The following PLEKHG3 variants were observed in gnomAD, a reference collection of about 807,000 sequenced individuals.
PLEKHG3 encodes pleckstrin homology domain-containing family G member 3.
A neutral mutation model predicts 94.9 loss-of-function variants in PLEKHG3; 62 were observed. The observed-to-expected ratio is 0.65, with a 90% CI of 0.53 to 0.81. PLEKHG3 has a LOEUF of 0.81. PLEKHG3 is among the 30% of genes least tolerant of loss of function. PLEKHG3 has a pLI of 0.00. For missense variants in PLEKHG3, 1,461 were observed against 1,619.3 expected, an observed-to-expected ratio of 0.90 and a Z score of 1.68; for synonymous variants, 614 against 654.0, an observed-to-expected ratio of 0.94 and a Z score of 0.93.
At chr14:64,729,699 A>C (rs369119203) in intron 3 of PLEKHG3, among the ~76,000 whole-genome samples, 1 of 152,164 alleles carries the variant, frequency 6.6e-6, no homozygotes, top group African/African-American at 2.4e-5. Context: ...TAAGATGGGC[A>C]GAGGGAGCTC....
Position 64,728,323 on chromosome 14 carries a change from G to C in PLEKHG3, c.351+341G>C, listed in dbSNP as rs148004582. ...TCCCCTGCCCTGTTGTTTCCTGGCT[G>C]TGCGGAGCCTCAGGTTCCTCCTCTG... is the stretch of plus-strand genomic sequence containing the variant. On this transcript the variant is annotated intron_variant, in intron 2 of 16. Coordinates refer to ENST00000247226, the MANE Select transcript of PLEKHG3 (RefSeq NM_001308147.2). The surrounding 1 kb of genome is among the most constrained non-coding windows in gnomAD (Gnocchi z 5.9). Among the ~76,000 whole-genome samples the C allele has an allele frequency of 0.015, 2,250 of 152,334 alleles. 20 individuals carry two copies. Among genetic ancestry groups the C allele is most frequent in the Middle Eastern group, 0.051 (15 of 294 alleles).
rs2081141689 is a variant in PLEKHG3, at chr14:64,716,162, C to T, written c.-39-11431C>T. 2.5e-6 allele frequency: 1 copy of T among 405,164 alleles called. No individual in the cohort carries two copies. 25.1% of individuals were successfully genotyped at this position (405,164 alleles called of 1,614,324 possible). ...GGATGGGGACTCTTTCAACTCCGGG[C>T]CTCTAAGCCTTGCCGGACTTCCCCC... On this transcript the variant is annotated intron_variant, in intron 1 of 16. Transcript: ENST00000247226. This position sits in a 1 kb window ranked among gnomAD's most constrained non-coding sequence, Gnocchi z 5.0.
intron 13 of PLEKHG3, chr14:64,737,145 C>T: frequency 3.1e-6 from 2 of 649,080 alleles, no homozygotes; most frequent in South Asian, 3.6e-5. Flanking sequence ...CAGGCACAGA[C>T]CTGCGCTGCT....
chr14:64,742,790 A>G (rs2081733119), intron 16 of PLEKHG3, among the ~76,000 whole-genome samples, 192 bp from the exon 17 acceptor site: 2 of 151,958 alleles, frequency 1.3e-5, no homozygotes, highest in African/African-American at 4.8e-5. Flanking sequence ...ACCCCTTTCC[A>G]CTGCCTTTTC....
chr14:64,743,237 G>A lies in PLEKHG3; in HGVS notation c.3194G>A (p.Arg1065Gln), dbSNP rs778574927. The A allele has an allele frequency of 7.5e-6, 12 of 1,607,568 alleles. No homozygotes were observed. Among genetic ancestry groups the A allele is most frequent in the African/African-American group, 2.7e-5 (2 of 74,838 alleles). ...TATGCCTCCCGCGATGAGGCACGCC[G>A]AGCAGGGGGCGGCCGGCCCCGCGGC... ...SKYASRDEAR[R>Q]AGGGRPRGPP... The change falls in exon 17 of 17, where the codon CGA becomes CAA. Residue 1065 changes from arginine (R) to glutamine (Q), a missense_variant. Arg to Gln is a conservative substitution (Grantham distance 43). This residue lies in a region of PLEKHG3 where 1,201 missense variants were observed against 1,295.5 expected (regional missense o/e 0.93). Coordinates refer to ENST00000247226, the MANE Select transcript of PLEKHG3 (RefSeq NM_001308147.2). This position sits in a 1 kb window ranked among gnomAD's most constrained non-coding sequence, Gnocchi z 7.2.
At position 64,741,746 on chromosome 14, in the gene PLEKHG3, C is replaced by T. The variant is rs765050821; in HGVS notation, c.2229C>T (p.Ser743=). 2.9e-5 allele frequency: 46 copies of T among 1,613,086 alleles called. 1 individual carries two copies. In the South Asian group the frequency reaches 4.6e-4, roughly 16 times the overall value. ...GCGTCCGTCGCCGGGAGAGCCTCTCCTACATCCCCAAAGGACTGGTAAGAA... is the reference window on the plus strand; with the variant it reads ...GCGTCCGTCGCCGGGAGAGCCTCTCTTACATCCCCAAAGGACTGGTAAGAA... The part of the protein sequence containing the change: ...GFSVRRRESL[S]YIPKGLVRNS... Residue 743 remains serine, a synonymous_variant, in exon 16 of 17, where the codon TCC becomes TCT. Coordinates refer to ENST00000247226, the MANE Select transcript of PLEKHG3 (RefSeq NM_001308147.2).
In PLEKHG3 at chr14:64,748,845, C is replaced by T. The variant is rs1463582962; in HGVS notation, c.*5142C>T. The T allele has an allele frequency of 5.9e-6, 1 of 169,936 alleles. No homozygotes were observed. Among genetic ancestry groups the T allele is most frequent in the Non-Finnish European group, 1.2e-5 (1 of 80,732 alleles). 10.5% of individuals were successfully genotyped at this position (169,936 alleles called of 1,614,324 possible). A position where few individuals can be genotyped will look rare whatever the true frequency, so the allele number is the denominator to read the frequency against. On this transcript the variant is annotated 3_prime_UTR_variant, in exon 17 of 17. Coordinates refer to ENST00000247226, the MANE Select transcript of PLEKHG3 (RefSeq NM_001308147.2). ...CCAGTGTCTTCTTCCTTTCCCCTTT[C>T]CCTGGCTGCCACCAGGTGGGAGGTG...
At position 64,727,524 on chromosome 14, in the gene PLEKHG3, CAA is replaced by C; in HGVS notation, c.-39-68_-39-67del. On this transcript the variant is annotated intron_variant, in intron 1 of 16. Coordinates refer to ENST00000247226, the MANE Select transcript of PLEKHG3 (RefSeq NM_001308147.2). The surrounding 1 kb of genome is among the most constrained non-coding windows in gnomAD (Gnocchi z 6.0). ...CCACCCCACCTGCCCCCACCCCTGG[CAA>C]CCGTCCCTCTGTTCTGTTTCTGTGG... is the stretch of plus-strand genomic sequence containing the variant. The C allele has an allele frequency of 2.3e-6, 1 of 439,660 alleles. No individual in the cohort carries two copies. Among genetic ancestry groups the C allele is most frequent in the Non-Finnish European group, 4.3e-6 (1 of 231,936 alleles). The allele number at this position is 439,660 out of a possible 1,614,324, so 27.2% of individuals were successfully genotyped here.
Position 64,746,444 on chromosome 14 carries a change from T to G in PLEKHG3, c.*2741T>G, listed in dbSNP as rs1034948799. 7.9e-5 allele frequency: 12 copies of G among 152,728 alleles called. No homozygotes were observed. The highest frequency in any genetic ancestry group is 2.4e-4 in the African/African-American group (10 of 41,452). 9.5% of individuals were successfully genotyped at this position (152,728 alleles called of 1,614,324 possible). On this transcript the variant is annotated 3_prime_UTR_variant, in exon 17 of 17. Transcript: ENST00000247226. The surrounding 1 kb of genome is among the most constrained non-coding windows in gnomAD (Gnocchi z 4.9). ...GTTGCATTCCTCTGCAGCCGCCGCC[T>G]CCTCATTTCCTCCCTGAGCTTGTTT...
chr14:64,709,508 G>T (rs2081033054), intron 1 of PLEKHG3, among the ~76,000 whole-genome samples: 1 of 152,176 alleles, frequency 6.6e-6, no homozygotes, highest in Admixed American at 6.5e-5. Flanking sequence ...GTTCTCGTGG[G>T]CACAGTGGTA....
chr14:64,737,148 G>A (rs1357086772), intron 13 of PLEKHG3: 1 of 647,884 alleles, frequency 1.5e-6, no homozygotes, highest in East Asian at 2.7e-5. Flanking sequence ...GCACAGACCT[G>A]CGCTGCTCTG....
In PLEKHG3 at chr14:64,730,354, G is replaced by A; in HGVS notation, c.519+42G>A. 1 of 1,275,472 alleles carries A rather than the reference G, an allele frequency of 7.8e-7. No individual in the cohort carries two copies. Among genetic ancestry groups the A allele is most frequent in the Non-Finnish European group, 1.1e-6 (1 of 908,994 alleles). 79.0% of individuals were successfully genotyped at this position (1,275,472 alleles called of 1,614,324 possible). A position where few individuals can be genotyped will look rare whatever the true frequency, so the allele number is the denominator to read the frequency against. On this transcript the variant is annotated intron_variant, in intron 4 of 16. Transcript: ENST00000247226. This position sits in a 1 kb window ranked among gnomAD's most constrained non-coding sequence, Gnocchi z 5.4. ...CCTTGCCTCTGTCCTACCTTGCTGA[G>A]AGCTCAGAGAGACAAGAACTGCCAG...
In PLEKHG3 at chr14:64,744,771, A is replaced by ATTTTTTTTTTTTTTTTTTTTTTTTT. The variant is rs397954215; in HGVS notation, c.*1088_*1089insTTTTTTTTTTTTTTTTTTTTTTTTT. 1.6e-4 allele frequency: 19 copies of ATTTTTTTTTTTTTTTTTTTTTTTTT among 122,018 alleles called. 1 individual carries two copies. The highest frequency in any genetic ancestry group is 6.1e-4 in the African/African-American group (18 of 29,500). 7.6% of individuals were successfully genotyped at this position (122,018 alleles called of 1,614,324 possible). ...CCAGGAAACATCCTAGAAGACAAGG[A>ATTTTTTTTTTTTTTTTTTTTTTTTT]TTTTTTTTTTTTTTTTTTTTGAGAC... On this transcript the variant is annotated 3_prime_UTR_variant, in exon 17 of 17. Coordinates refer to ENST00000247226, the MANE Select transcript of PLEKHG3 (RefSeq NM_001308147.2).
Position 64,741,811 on chromosome 14 carries a change from C to G in PLEKHG3, c.2294C>G (p.Pro765Arg). 1 of 1,613,604 alleles carries G rather than the reference C, an allele frequency of 6.2e-7. No individual in the cohort carries two copies. Among genetic ancestry groups the G allele is most frequent in the Non-Finnish European group, 8.5e-7 (1 of 1,180,022 alleles). ...SRFNSLPRPD[P>R]EPVPPVGSKR... Reference sequence around the variant, plus strand: ...TTCAACAGCCTTCCCCGGCCAGACCCAGAGCCAGTACCTCCAGTGGGGAGC... The same window carrying G: ...TTCAACAGCCTTCCCCGGCCAGACCGAGAGCCAGTACCTCCAGTGGGGAGC... The change falls in exon 16 of 17, where the codon CCA becomes CGA. Residue 765 changes from proline to arginine, a missense_variant. Physicochemically the swap from Pro to Arg is moderately radical, Grantham distance 103. This residue lies in a region of PLEKHG3 where 1,201 missense variants were observed against 1,295.5 expected (regional missense o/e 0.93). Coordinates refer to ENST00000247226, the MANE Select transcript of PLEKHG3 (RefSeq NM_001308147.2).
chr14:64,707,459 T>C (rs2080989821), intron 1 of PLEKHG3, among the ~76,000 whole-genome samples: 1 of 152,218 alleles, frequency 6.6e-6, no homozygotes, highest in South Asian at 2.1e-4. Flanking sequence ...GAATGCCAGA[T>C]GCAGAAGACA....
At position 64,732,897 on chromosome 14, in the gene PLEKHG3, A is replaced by G. The variant is rs780926369; in HGVS notation, c.1341A>G (p.Gln447=). 5 of 1,597,376 alleles carry G rather than the reference A, an allele frequency of 3.1e-6. No individual in the cohort carries two copies. The highest frequency in any genetic ancestry group is 1.7e-5 in the Admixed American group (1 of 58,446). Residue 447 remains glutamine, a synonymous_variant, in exon 12 of 17, where the codon CAA becomes CAG. Coordinates refer to ENST00000247226, the MANE Select transcript of PLEKHG3 (RefSeq NM_001308147.2). The surrounding 1 kb of genome is among the most constrained non-coding windows in gnomAD (Gnocchi z 4.9). ...CCAATGTGCGCCAGGGGCGCCGGCA[A>G]TCTGGTAAGAGAAGGGCTGTGGAGG... ...VSTNVRQGRR[Q]SEPTKHLLRQ...
At chr14:64,737,760 G>C in intron 14 of PLEKHG3, 3 of 503,032 alleles carry the variant, frequency 6.0e-6, no homozygotes, top group Non-Finnish European at 9.1e-6. Context: ...TGGGCATCTA[G>C]GTGTGGCTTT....
At chr14:64,710,937 G>A (rs1322341720) in intron 1 of PLEKHG3, among the ~76,000 whole-genome samples, 3 of 152,038 alleles carry the variant, frequency 2.0e-5, no homozygotes, top group Admixed American at 2.0e-4. Flanking sequence ...ATCAAGAAAA[G>A]GTTAAATTAT....
At chr14:64,736,789 G>A in intron 12 of PLEKHG3, 64 bp from the exon 13 acceptor site, 1 of 1,238,314 alleles carries the variant, frequency 8.1e-7, no homozygotes, top group Non-Finnish European at 1.2e-6. Context: ...CTGTGAGCTT[G>A]GGACCCAGCC....
Sources: allele counts gnomAD v4.1 joint callset (sites outside exome capture counted in the v4.1 genomes callset), GRCh38; gene constraint gnomAD v4.1.1; regional missense constraint gnomAD v4.1.1; non-coding constraint Gnocchi (gnomAD v3.1); transcripts MANE v1.5; gene names NCBI Gene and HGNC (gene_info 2026-07-23, HGNC 2026-07-21).